The following GNAI1 variants were observed in gnomAD, a reference collection of about 807,000 sequenced individuals.
GNAI1 encodes the protein guanine nucleotide-binding protein G(i) subunit alpha-1.
GNAI1 carries 11 observed loss-of-function variants against 38.9 expected under a neutral mutation model. The ratio of observed to expected loss-of-function variants is 0.28; its 90% confidence interval spans 0.18 to 0.47. The LOEUF (loss-of-function observed/expected upper bound fraction) is 0.47, where lower values mean the gene tolerates loss of function less well. Ranked by LOEUF, GNAI1 falls within the 20% of genes least tolerant of loss-of-function variation. The pLI, the probability that GNAI1 is intolerant of heterozygous loss-of-function variation, is 0.99. For missense variants in GNAI1, 317 were observed against 436.9 expected (o/e 0.73, Z 2.45); for synonymous variants, 166 against 145.1 (o/e 1.14, Z -1.04).
At chr7:80,168,677 C>T (rs1788054249) in intron 1 of GNAI1, among the ~76,000 whole-genome samples, 1 of 152,186 alleles carries the variant, frequency 6.6e-6, no homozygotes, top group Admixed American at 6.5e-5. Flanking sequence ...GCCACCGCGC[C>T]TGGCCAATTA....
In GNAI1 at chr7:80,135,281, A is replaced by G; in HGVS notation, c.118+3A>G. 6.8e-7 allele frequency: 1 copy of G among 1,467,142 alleles called. No homozygotes were observed. The highest frequency in any genetic ancestry group is 9.1e-7 in the Non-Finnish European group (1 of 1,104,196). 90.9% of individuals were successfully genotyped at this position (1,467,142 alleles called of 1,614,324 possible). Reference sequence around the variant, plus strand: ...CGAGGTCAAGCTGCTGCTGCTCGGTAAGGGCGGCCGGGTCGGGGCCCGGGG... The same window carrying G: ...CGAGGTCAAGCTGCTGCTGCTCGGTGAGGGCGGCCGGGTCGGGGCCCGGGG... On this transcript the variant is annotated splice_donor_region_variant and intron_variant, in intron 1 of 7. Transcript: ENST00000649796.
intron 1 of GNAI1, among the ~76,000 whole-genome samples, chr7:80,138,768 C>T (rs961884531): frequency 2.0e-5 from 3 of 152,118 alleles, no homozygotes; most frequent in African/African-American, 7.2e-5. Context: ...ACCTCACTGT[C>T]CTTCCTTCCG....
chr7:80,205,519 T>C (rs1310362168), intron 5 of GNAI1, among the ~76,000 whole-genome samples: 1 of 152,136 alleles, frequency 6.6e-6, no homozygotes, highest in Non-Finnish European at 1.5e-5. Flanking sequence ...ATTTTAATAT[T>C]TCATGTTTTT....
rs1337409948 is a variant in GNAI1, at chr7:80,210,988, C to G, written c.610C>G (p.Gln204Glu). ...TAACAGAATGTTTGATGTGGGAGGTCAGAGATCTGAGCGGAAGAAGTGGAT... is the reference window on the plus strand; with the variant it reads ...TAACAGAATGTTTGATGTGGGAGGTGAGAGATCTGAGCGGAAGAAGTGGAT... ...LHFKMFDVGG[Q>E]RSERKKWIHC... The change falls in exon 6 of 8, where the codon CAG becomes GAG. Residue 204 changes from glutamine to glutamate, a missense_variant. This residue lies in a region of GNAI1 where 158 missense variants were observed against 234.7 expected (regional missense o/e 0.67). Coordinates refer to ENST00000649796, the MANE Select transcript of GNAI1 (RefSeq NM_002069.6). 2 of 1,613,068 alleles carry G rather than the reference C, an allele frequency of 1.2e-6. No homozygotes were observed. Among genetic ancestry groups the G allele is most frequent in the South Asian group, 1.1e-5 (1 of 91,058 alleles).
chr7:80,221,185 A>T lies in GNAI1; in HGVS notation c.*3692A>T, dbSNP rs1789067400. Among the ~76,000 whole-genome samples, 1 of 152,170 alleles carries T rather than the reference A, an allele frequency of 6.6e-6. No homozygotes were observed. Among genetic ancestry groups the T allele is most frequent in the Non-Finnish European group, 1.5e-5 (1 of 68,028 alleles). On this transcript the variant is annotated 3_prime_UTR_variant, in exon 8 of 8. Transcript: ENST00000649796. ...GCTTCAAATCCTGGCTCAATTTCTTATTAACTGGGAAAATCTGGGCAAATA... is the reference window on the plus strand; with the variant it reads ...GCTTCAAATCCTGGCTCAATTTCTTTTTAACTGGGAAAATCTGGGCAAATA...
rs1450836325 is a variant in GNAI1 at position 80,134,853 on chromosome 7, G to T, written c.-308G>T. 2.0e-5 allele frequency: 4 copies of T among 199,758 alleles called. No homozygotes were observed. The highest frequency in any genetic ancestry group is 1.8e-4 in the South Asian group (1 of 5,592). The allele number at this position is 199,758 out of a possible 1,614,324, so 12.4% of individuals were successfully genotyped here. A position where few individuals can be genotyped will look rare whatever the true frequency, so the allele number is the denominator to read the frequency against. On this transcript the variant is annotated 5_prime_UTR_variant, in exon 1 of 8. Transcript: ENST00000649796. ...GCCGAGCTCGGCTGGGCTTGGCGAG[G>T]CTGCGGCGCGGCCACCGGCGGGAGT...
chr7:80,152,066 C>T (rs1040075400), intron 1 of GNAI1, among the ~76,000 whole-genome samples: 1 of 152,150 alleles, frequency 6.6e-6, no homozygotes, highest in African/African-American at 2.4e-5. Flanking sequence ...CTATTTCCTT[C>T]AGTTTTCTAG....
intron 1 of GNAI1, among the ~76,000 whole-genome samples, chr7:80,176,493 G>T (rs539700135): frequency 1.5e-4 from 23 of 152,308 alleles, no homozygotes; most frequent in African/African-American, 5.1e-4. Context: ...GTCTCATCTA[G>T]GACATTCATA....
At chr7:80,169,648 G>C (rs940338052) in intron 1 of GNAI1, among the ~76,000 whole-genome samples, 1 of 152,092 alleles carries the variant, frequency 6.6e-6, no homozygotes. Flanking sequence ...GTTGATTATT[G>C]ATTACCAAAT....
intron 4 of GNAI1, among the ~76,000 whole-genome samples, chr7:80,202,889 G>A (rs961976330): frequency 1.5e-4 from 23 of 152,030 alleles, no homozygotes; most frequent in African/African-American, 4.4e-4. Context: ...AGCTTCTCCT[G>A]GGGCAGTGTC....
At chr7:80,197,365 G>A (rs1788596821) in intron 3 of GNAI1, among the ~76,000 whole-genome samples, 1 of 151,678 alleles carries the variant, frequency 6.6e-6, no homozygotes, top group African/African-American at 2.4e-5. Context: ...TTTACTTCAG[G>A]CCTATTCCTG....
intron 3 of GNAI1, 75 bp from the exon 4 acceptor site, chr7:80,199,150 C>A: frequency 1.0e-6 from 1 of 1,003,336 alleles, no homozygotes; most frequent in Non-Finnish European, 1.4e-6. Flanking sequence ...TTTTTTAACT[C>A]TAGAATTGTC....
At chr7:80,168,451 G>A (rs1264283228) in intron 1 of GNAI1, among the ~76,000 whole-genome samples, 3 of 151,960 alleles carry the variant, frequency 2.0e-5, no homozygotes, top group South Asian at 4.2e-4. Context: ...GCAGTGGCAC[G>A]ATCTCGGCTC....
At chr7:80,164,388 A>G (rs1350435209) in intron 1 of GNAI1, among the ~76,000 whole-genome samples, 8 of 140,878 alleles carry the variant, frequency 5.7e-5, no homozygotes, top group African/African-American at 1.9e-4. Context: ...TTTGAGACGG[A>G]GTCTTGCTCT....
chr7:80,150,388 G>A (rs1453502390), intron 1 of GNAI1, among the ~76,000 whole-genome samples: 2 of 152,206 alleles, frequency 1.3e-5, no homozygotes, highest in African/African-American at 4.8e-5. Context: ...TACGGAGATA[G>A]TGAATGTTTG....
chr7:80,172,377 T>C (rs1445365656), intron 1 of GNAI1, among the ~76,000 whole-genome samples: 1 of 152,218 alleles, frequency 6.6e-6, no homozygotes, highest in African/African-American at 2.4e-5. Flanking sequence ...TATGTTAATA[T>C]GCAGAGGGAA....
intron 1 of GNAI1, among the ~76,000 whole-genome samples, chr7:80,155,025 C>T (rs1172180338): frequency 6.6e-6 from 1 of 151,962 alleles, no homozygotes; most frequent in Non-Finnish European, 1.5e-5. Flanking sequence ...TAAAATAATA[C>T]ATTGCTTATT....
intron 1 of GNAI1, among the ~76,000 whole-genome samples, chr7:80,186,086 G>A (rs1788382627): frequency 7.4e-6 from 1 of 135,844 alleles, no homozygotes; most frequent in Non-Finnish European, 1.5e-5. Context: ...AGGCTGGAGT[G>A]CAGCGGCACA....
chr7:80,189,795 T>A (rs1214639983), intron 3 of GNAI1, among the ~76,000 whole-genome samples: 1 of 152,164 alleles, frequency 6.6e-6, no homozygotes, highest in East Asian at 1.9e-4. Context: ...AGAAAGAAAC[T>A]AGCACCCAGG....
Sources: allele counts gnomAD v4.1 joint callset (sites outside exome capture counted in the v4.1 genomes callset), GRCh38; gene constraint gnomAD v4.1.1; regional missense constraint gnomAD v4.1.1; transcripts MANE v1.5; gene names NCBI Gene and HGNC (gene_info 2026-07-23, HGNC 2026-07-21).